Variants in C2orf68 observed in about 807,000 individuals in gnomAD.
The protein encoded by C2orf68 is chromosome 2 open reading frame 68.
In C2orf68, 15 loss-of-function variants were observed where a neutral mutation model predicts 19.1. The observed-to-expected ratio is 0.79, with a 90% CI of 0.53 to 1.21. C2orf68 has a LOEUF of 1.21. Ranked by LOEUF, C2orf68 falls within the 50% of genes most tolerant of loss-of-function variation. The pLI is 0.00. For synonymous variants in C2orf68, 98 were observed against 91.0 expected, an observed-to-expected ratio of 1.08 and a Z score of -0.44; for missense variants, 242 against 226.6, an observed-to-expected ratio of 1.07 and a Z score of -0.44.
At chr2:85,610,553 AACAG>A (rs1673442084) in intron 2 of C2orf68, 1 of 152,156 alleles carries the variant, frequency 6.6e-6, no homozygotes, top group Non-Finnish European at 1.5e-5. Context: ...CTGACTGTGA[AACAG>A]ACAGAAGCTT....
intron 3 of C2orf68, 61 bp downstream of exon 3, chr2:85,609,374 T>A: frequency 6.3e-7 from 1 of 1,582,746 alleles, no homozygotes; most frequent in East Asian, 2.2e-5. Context: ...GCTCAGGGTC[T>A]GACAATGATT....
At position 85,609,485 on chromosome 2, in the gene C2orf68, A is replaced by G; in HGVS notation, c.328T>C (p.Leu110=). The G allele has an allele frequency of 3.7e-6, 6 of 1,614,220 alleles. No homozygotes were observed. Among genetic ancestry groups the G allele is most frequent in the Non-Finnish European group, 5.1e-6 (6 of 1,180,042 alleles). ...LEPSGHQLFC[L]EYEADSGEVT... is the part of the protein sequence containing the mutation. Reference sequence around the variant, plus strand: ...TCTCCACTGTCTGCCTCGTATTCTAAGCAGAAGAGCTGATGGCCAGAAGGC... The same window carrying G: ...TCTCCACTGTCTGCCTCGTATTCTAGGCAGAAGAGCTGATGGCCAGAAGGC... Residue 110 remains leucine, a synonymous_variant, in exon 3 of 4, where the codon TTA becomes CTA. Transcript: ENST00000306336.
intron 2 of C2orf68, 116 bp from the exon 3 acceptor site, chr2:85,609,702 G>C: frequency 1.5e-6 from 2 of 1,364,822 alleles, no homozygotes; most frequent in Non-Finnish European, 2.0e-6. Context: ...TTTTTTTTGA[G>C]ACGAAGTCTC....
rs1673362995 is a variant in C2orf68, at chr2:85,609,483, T to C, written c.330A>G (p.Leu110=). 6 of 1,614,114 alleles carry C rather than the reference T, an allele frequency of 3.7e-6. No individual in the cohort carries two copies. Among genetic ancestry groups the C allele is most frequent in the Non-Finnish European group, 5.1e-6 (6 of 1,180,052 alleles). Residue 110 remains leucine (L), a synonymous_variant, in exon 3 of 4, where the codon TTA becomes TTG. Transcript: ENST00000306336. ...CCTCTCCACTGTCTGCCTCGTATTC[T>C]AAGCAGAAGAGCTGATGGCCAGAAG... ...LEPSGHQLFC[L]EYEADSGEVT...
chr2:85,609,060 T>C lies in C2orf68; in HGVS notation c.386A>G (p.Asp129Gly). Reference protein sequence around the residue: ...VTSVIVYQGDDPGKVSEKVSA... With the variant: ...VTSVIVYQGDGPGKVSEKVSA... ...CACCTTCTCACTCACCTTTCCTGGG[T>C]CATCACCCTACGTGGAGGAAGAGTC... The change falls in exon 4 of 4, where the codon GAC becomes GGC. Residue 129 changes from aspartate (D) to glycine (G), a missense_variant. Transcript: ENST00000306336. The C allele has an allele frequency of 6.2e-7, 1 of 1,614,180 alleles. No homozygotes were observed. Among genetic ancestry groups the C allele is most frequent in the Admixed American group, 1.7e-5 (1 of 60,020 alleles).
intron 2 of C2orf68, chr2:85,611,074 C>T (rs1486229119): frequency 4.5e-6 from 1 of 224,624 alleles, no homozygotes; most frequent in African/African-American, 2.4e-5. Context: ...AACCCCTTCT[C>T]TACAAGAAAT....
In C2orf68 at chr2:85,607,541, T is replaced by A. The variant is rs1228869838; in HGVS notation, c.*1404A>T. On this transcript the variant is annotated 3_prime_UTR_variant, in exon 4 of 4. Coordinates refer to ENST00000306336, the MANE Select transcript of C2orf68 (RefSeq NM_001013649.4). ...CTTCTCACTTATCCACCTCACTTACTGCCCCAGCATTCCTTTGGCATTGCG... is the reference window on the plus strand; with the variant it reads ...CTTCTCACTTATCCACCTCACTTACAGCCCCAGCATTCCTTTGGCATTGCG... 3.3e-5 allele frequency: 5 copies of A among 152,208 alleles called. No homozygotes were observed. 9.4% of individuals were successfully genotyped at this position (152,208 alleles called of 1,614,324 possible).
At chr2:85,609,650 G>A in intron 2 of C2orf68, 64 bp from the exon 3 acceptor site, 1 of 1,578,762 alleles carries the variant, frequency 6.3e-7, no homozygotes, top group East Asian at 2.2e-5. Context: ...TGTCCATAGA[G>A]ATGCTGCAGG....
In C2orf68 at chr2:85,609,424, A is replaced by C; in HGVS notation, c.378+11T>G. The C allele has an allele frequency of 6.2e-7, 1 of 1,613,022 alleles. No homozygotes were observed. The highest frequency in any genetic ancestry group is 8.5e-7 in the Non-Finnish European group (1 of 1,179,216). On this transcript the variant is annotated intron_variant, in intron 3 of 3. Transcript: ENST00000306336. ...GGACCTTCAGGCTGCAGCTGTTTCC[A>C]CCAGGCGTACCTGATAGACGATAAC...
chr2:85,609,330 G>A (rs747327191), intron 3 of C2orf68, 105 bp downstream of exon 3: 29 of 1,478,420 alleles, frequency 2.0e-5, no homozygotes, highest in Non-Finnish European at 2.6e-5. Context: ...ATGTGGAGCA[G>A]ACGCTTCCCA....
intron 2 of C2orf68, 84 bp from the exon 3 acceptor site, chr2:85,609,670 G>A (rs538575837): frequency 1.1e-4 from 161 of 1,521,816 alleles, no homozygotes; most frequent in African/African-American, 9.3e-4. Flanking sequence ...GAAAATATAC[G>A]GTTAGGAAAG....
chr2:85,608,344 G>A lies in C2orf68; in HGVS notation c.*601C>T, dbSNP rs1673293075. ...ACTTTATTGGTATCAGAATTACTTG[G>A]AGAGTTTTTTAGAAGGGTAGATCCC... On this transcript the variant is annotated 3_prime_UTR_variant, in exon 4 of 4. Coordinates refer to ENST00000306336, the MANE Select transcript of C2orf68 (RefSeq NM_001013649.4). 1 of 152,132 alleles carries A rather than the reference G, an allele frequency of 6.6e-6. No homozygotes were observed. Among genetic ancestry groups the A allele is most frequent in the African/African-American group, 2.4e-5 (1 of 41,400 alleles). The allele number at this position is 152,132 out of a possible 1,614,324, so 9.4% of individuals were successfully genotyped here.
In C2orf68 at chr2:85,611,872, C is replaced by T. The variant is rs964210418; in HGVS notation, c.107+6G>A. ...GTGGCGGCGGCGGCGCAGGGCGGGG[C>T]GGTACCGAGCGATCTGGTTCCGTCG... On this transcript the variant is annotated splice_donor_region_variant and intron_variant, in intron 1 of 3. Transcript: ENST00000306336. 17 of 1,597,080 alleles carry T rather than the reference C, an allele frequency of 1.1e-5. No individual in the cohort carries two copies. The highest frequency in any genetic ancestry group is 1.4e-5 in the Non-Finnish European group (16 of 1,177,100).
intron 2 of C2orf68, 160 bp downstream of exon 2, chr2:85,611,508 A>C (rs913486310): frequency 9.0e-6 from 14 of 1,550,898 alleles, no homozygotes; most frequent in Non-Finnish European, 1.2e-5. Context: ...TCTTGGTGAG[A>C]ATCATTCAGC....
rs1200843382 is a variant in C2orf68 at position 85,608,900 on chromosome 2, T to C, written c.*45A>G. ...CACTAAATTCCCTGGGCAGAATTCTTCCGAGTGCAGTGAATCCAGCCTGGA... is the reference window on the plus strand; with the variant it reads ...CACTAAATTCCCTGGGCAGAATTCTCCCGAGTGCAGTGAATCCAGCCTGGA... On this transcript the variant is annotated 3_prime_UTR_variant, in exon 4 of 4. Coordinates refer to ENST00000306336, the MANE Select transcript of C2orf68 (RefSeq NM_001013649.4). 6.2e-7 allele frequency: 1 copy of C among 1,606,104 alleles called. No individual in the cohort carries two copies. The highest frequency in any genetic ancestry group is 1.7e-5 in the Admixed American group (1 of 59,738).
intron 1 of C2orf68, 37 bp downstream of exon 1, chr2:85,611,841 G>C (rs1446783761): frequency 6.2e-7 from 1 of 1,603,002 alleles, no homozygotes; most frequent in Non-Finnish European, 8.5e-7. Flanking sequence ...GGCCAGGCCA[G>C]GAGTGGTGGC....
Position 85,608,970 on chromosome 2 carries a change from A to G in C2orf68, c.476T>C (p.Ile159Thr). ...TCAGTGTTGGCTCTGGCGCTTTGCAATCTCCTCCTGGATACGCAACTTGAG... is the reference window on the plus strand; with the variant it reads ...TCAGTGTTGGCTCTGGCGCTTTGCAGTCTCCTCCTGGATACGCAACTTGAG... ...EALKLRIQEEIAKRQSQH is the reference protein window; with the variant it reads ...EALKLRIQEETAKRQSQH Residue 159 changes from isoleucine (I) to threonine (T), a missense_variant, in exon 4 of 4, where the codon ATT becomes ACT. Physicochemically the swap from Ile to Thr is moderately conservative, Grantham distance 89 (BLOSUM62 -1). Coordinates refer to ENST00000306336, the MANE Select transcript of C2orf68 (RefSeq NM_001013649.4). 1 of 1,614,184 alleles carries G rather than the reference A, an allele frequency of 6.2e-7. No individual in the cohort carries two copies. Among genetic ancestry groups the G allele is most frequent in the Non-Finnish European group, 8.5e-7 (1 of 1,180,038 alleles).
rs377439765 is a variant in C2orf68 at position 85,611,930 on chromosome 2, G to A, written c.55C>T (p.Leu19=). The change falls in exon 1 of 4, where the codon CTG becomes TTG. Residue 19 remains leucine, a synonymous_variant. Transcript: ENST00000306336. ...TGCACGAAGCCGTGGTTCATGTCCA[G>A]CCGCCCCCCAGGCTTGCAGCAGTGC... ...PGHCCKPGGR[L]DMNHGFVHHI... The A allele has an allele frequency of 2.2e-4, 348 of 1,587,648 alleles. 1 individual carries two copies. The highest frequency in any genetic ancestry group is 3.5e-4 in the South Asian group (32 of 90,284).
At position 85,609,049 on chromosome 2, in the gene C2orf68, C is replaced by G. The variant is rs767273605; in HGVS notation, c.397G>C (p.Val133Leu). ...IVYQGDDPGK[V>L]SEKVSAHTPL... ...GTGTGTGCCGACACCTTCTCACTCA[C>G]CTTTCCTGGGTCATCACCCTACGTG... Residue 133 changes from valine to leucine, a missense_variant, in exon 4 of 4, where the codon GTG (valine) becomes CTG (leucine). Transcript: ENST00000306336. The G allele has an allele frequency of 5.6e-6, 9 of 1,614,234 alleles. No individual in the cohort carries two copies. The South Asian group carries it at 9.9e-5, about 18-fold the overall frequency.
Sources: allele counts gnomAD v4.1 joint callset, GRCh38; gene constraint gnomAD v4.1.1; transcripts MANE v1.5; gene names NCBI Gene and HGNC (gene_info 2026-07-23, HGNC 2026-07-21).